CADPS2: variants seen among roughly 807,000 people sequenced by gnomAD.
CADPS2 encodes calcium-dependent secretion activator 2.
CADPS2 carries 93 observed loss-of-function variants against 172.5 expected under a neutral mutation model. The observed-to-expected ratio is 0.54, with a 90% CI of 0.46 to 0.64. The LOEUF is 0.64. Ranked by LOEUF, CADPS2 falls within the 30% of genes least tolerant of loss-of-function variation. The pLI, the probability that CADPS2 is intolerant of heterozygous loss-of-function variation, is 0.00. For synonymous variants in CADPS2, 546 were observed against 555.2 expected, an observed-to-expected ratio of 0.98 and a Z score of 0.23; for missense variants, 1,420 against 1,565.9, an observed-to-expected ratio of 0.91 and a Z score of 1.57.
At chr7:122,382,777 A>G (rs2043178413) in intron 24 of CADPS2, among the ~76,000 whole-genome samples, 1 of 152,104 alleles carries the variant, frequency 6.6e-6, no homozygotes, top group African/African-American at 2.4e-5. Context: ...TGAATATGCC[A>G]CTGCACTTCA....
At position 122,535,146 on chromosome 7, in the gene CADPS2, G is replaced by A. The variant is rs57260722; in HGVS notation, c.1475+19404C>T. On this transcript the variant is annotated intron_variant, in intron 8 of 29. Transcript: ENST00000449022. ...TGGCCTCTGGTGGTACTTGAGTATC[G>A]TGAACTGACAGTGATCACTTAAAGA... is the stretch of plus-strand genomic sequence containing the variant. 7.8e-3 allele frequency among the ~76,000 whole-genome samples: 1,193 copies of A among 152,126 alleles called. 17 individuals carry two copies. Among genetic ancestry groups the A allele is most frequent in the African/African-American group, 0.028 (1,153 of 41,546 alleles).
chr7:122,386,493 A>T (rs1416264062), intron 24 of CADPS2, among the ~76,000 whole-genome samples: 1 of 152,052 alleles, frequency 6.6e-6, no homozygotes, highest in Non-Finnish European at 1.5e-5. Flanking sequence ...ATCATGGGGT[A>T]AAATAAAATT....
chr7:122,604,863 G>T (rs555397785), intron 6 of CADPS2, among the ~76,000 whole-genome samples: 62 of 152,120 alleles, frequency 4.1e-4, no homozygotes, highest in African/African-American at 1.4e-3. Context: ...ATGGGAATAG[G>T]CTCTGAGAAA....
intron 1 of CADPS2, among the ~76,000 whole-genome samples, chr7:122,769,054 T>C (rs1472600779): frequency 1.3e-5 from 2 of 152,054 alleles, no homozygotes; most frequent in Admixed American, 1.3e-4. Flanking sequence ...TGGGTCTATG[T>C]TTAATGTGAG....
At chr7:122,556,669 T>A (rs2132062917) in intron 7 of CADPS2, among the ~76,000 whole-genome samples, 1 of 152,258 alleles carries the variant, frequency 6.6e-6, no homozygotes, top group Non-Finnish European at 1.5e-5. Context: ...TCTGCCACAT[T>A]TTATTTTTTG....
chr7:122,804,711 T>C (rs749226394), intron 1 of CADPS2, among the ~76,000 whole-genome samples: 4 of 152,216 alleles, frequency 2.6e-5, no homozygotes, highest in Admixed American at 6.5e-5. Flanking sequence ...TCAGTGTTCC[T>C]ATATCAAATG....
At chr7:122,569,401 A>G (rs559972482) in intron 7 of CADPS2, among the ~76,000 whole-genome samples, 3 of 152,114 alleles carry the variant, frequency 2.0e-5, no homozygotes, top group South Asian at 4.2e-4. Flanking sequence ...CAAATGGAAG[A>G]CCATTCCATG....
intron 14 of CADPS2, among the ~76,000 whole-genome samples, chr7:122,468,596 G>C (rs1261082668): frequency 6.6e-6 from 1 of 152,180 alleles, no homozygotes; most frequent in Non-Finnish European, 1.5e-5. Flanking sequence ...AATACTGATA[G>C]TATTTTATAA....
chr7:122,644,091 G>A (rs11760538), intron 3 of CADPS2, among the ~76,000 whole-genome samples: 26,369 of 147,566 alleles, frequency 0.18, 3,077 homozygotes, highest in Non-Finnish European at 0.26. Context: ...AAGGAAGGAA[G>A]GAATGAAGGA....
At chr7:122,666,103 G>C (rs755868535) in intron 2 of CADPS2, among the ~76,000 whole-genome samples, 3 of 152,102 alleles carry the variant, frequency 2.0e-5, no homozygotes, top group African/African-American at 4.8e-5. Flanking sequence ...ACCTGCATAA[G>C]TATTTATATG....
At chr7:122,516,613 A>T (rs1204698423) in intron 8 of CADPS2, among the ~76,000 whole-genome samples, 1 of 152,148 alleles carries the variant, frequency 6.6e-6, no homozygotes, top group Non-Finnish European at 1.5e-5. Flanking sequence ...ACTCAAAAAC[A>T]ATCTAAAAAT....
chr7:122,844,499 C>T (rs921318779), intron 1 of CADPS2, among the ~76,000 whole-genome samples: 2 of 152,130 alleles, frequency 1.3e-5, no homozygotes, highest in African/African-American at 4.8e-5. Context: ...CTATAATATT[C>T]AAACTGTGAG....
intron 9 of CADPS2, among the ~76,000 whole-genome samples, chr7:122,497,359 T>G (rs958117740): frequency 1.3e-5 from 2 of 152,158 alleles, no homozygotes; most frequent in African/African-American, 4.8e-5. Context: ...TCTTGCCCTT[T>G]GTATTTGCCA....
intron 17 of CADPS2, among the ~76,000 whole-genome samples, chr7:122,418,036 G>T (rs1377239688): frequency 6.6e-6 from 1 of 152,080 alleles, no homozygotes; most frequent in South Asian, 2.1e-4. Context: ...TGGGCCCGGT[G>T]GTGGGCACGT....
chr7:122,515,001 C>G (rs571044717), intron 8 of CADPS2, among the ~76,000 whole-genome samples: 1 of 152,124 alleles, frequency 6.6e-6, no homozygotes, highest in Admixed American at 6.5e-5. Context: ...CTTCTTTATT[C>G]CCTGAAAATT....
At chr7:122,700,878 A>G (rs1195455325) in intron 2 of CADPS2, among the ~76,000 whole-genome samples, 2 of 151,968 alleles carry the variant, frequency 1.3e-5, no homozygotes, top group Non-Finnish European at 2.9e-5. Context: ...GAAGCCTATA[A>G]TAATTTAGAA....
At chr7:122,771,332 C>A (rs1377439246) in intron 1 of CADPS2, among the ~76,000 whole-genome samples, 1 of 152,130 alleles carries the variant, frequency 6.6e-6, no homozygotes, top group African/African-American at 2.4e-5. Context: ...GAGGAAAATA[C>A]CAGGCTATGG....
chr7:122,813,473 C>T (rs1800554244), intron 1 of CADPS2, among the ~76,000 whole-genome samples: 1 of 152,038 alleles, frequency 6.6e-6, no homozygotes, highest in Non-Finnish European at 1.5e-5. Flanking sequence ...TTGTTTATTA[C>T]CATCAACGGA....
At chr7:122,878,351 A>T (rs1464563893) in intron 1 of CADPS2, among the ~76,000 whole-genome samples, 7 of 151,100 alleles carry the variant, frequency 4.6e-5, no homozygotes, top group Admixed American at 4.6e-4. Context: ...CCACACCAGA[A>T]ATTAAAACGC....
Sources: gnomAD v4.1 joint callset for allele counts (sites outside exome capture counted in the v4.1 genomes callset) on GRCh38, gnomAD v4.1.1 for gene constraint, MANE v1.5 for transcripts, NCBI Gene and HGNC (gene_info 2026-07-23, HGNC 2026-07-21) for gene names.